Variants in LDLRAD4 observed in about 807,000 individuals in gnomAD.
LDLRAD4 encodes the protein low density lipoprotein receptor class A domain containing 4, also known as low-density lipoprotein receptor class A domain-containing protein 4.
LDLRAD4 carries 5 observed loss-of-function variants against 17.0 expected under a neutral mutation model. The observed-to-expected ratio is 0.29, with a 90% confidence interval of 0.15 to 0.62. LDLRAD4 has a LOEUF of 0.62. LDLRAD4 is among the 20% of genes least tolerant of loss of function. The pLI is 0.84. For synonymous variants in LDLRAD4, 168 were observed against 171.8 expected, an observed-to-expected ratio of 0.98 and a Z score of 0.17; for missense variants, 340 against 424.7, an observed-to-expected ratio of 0.80 and a Z score of 1.75.
At chr18:13,281,683 C>T (rs1370628313) in intron 1 of LDLRAD4, among the ~76,000 whole-genome samples, 1 of 152,120 alleles carries the variant, frequency 6.6e-6, no homozygotes, top group African/African-American at 2.4e-5. Context: ...TTTGGGGGTT[C>T]TATTCAGGGG....
intron 3 of LDLRAD4, among the ~76,000 whole-genome samples, chr18:13,475,524 T>G (rs1214569202): frequency 6.7e-6 from 1 of 150,140 alleles, no homozygotes; most frequent in East Asian, 2.0e-4. Flanking sequence ...AGTGCTGGGA[T>G]TACCGGCATG....
At chr18:13,450,324 C>CAA in intron 3 of LDLRAD4, among the ~76,000 whole-genome samples, 3 of 64,182 alleles carry the variant, frequency 4.7e-5, no homozygotes, top group Non-Finnish European at 1.0e-4. Context: ...TTCTCTCCCC[C>CAA]CACCCCCCCC....
intron 3 of LDLRAD4, among the ~76,000 whole-genome samples, chr18:13,474,905 T>C (rs2092899859): frequency 6.6e-6 from 1 of 152,108 alleles, no homozygotes; most frequent in South Asian, 2.1e-4. Context: ...GGATTCCTCA[T>C]GGTTTAGCAT....
intron 3 of LDLRAD4, among the ~76,000 whole-genome samples, chr18:13,505,683 TGGTG>T (rs879452258): frequency 0.64 from 96,720 of 151,514 alleles, 31,544 homozygotes; most frequent in East Asian, 0.74. Context: ...CCGGGCGTGG[TGGTG>T]GGCACCTGTA....
chr18:13,643,627 A>G (rs576108966), intron 5 of LDLRAD4, among the ~76,000 whole-genome samples: 1 of 152,370 alleles, frequency 6.6e-6, no homozygotes, highest in African/African-American at 2.4e-5. Flanking sequence ...AAAGCTCCTT[A>G]TCAAAAACAA....
At chr18:13,571,828 A>G (rs146945740) in intron 3 of LDLRAD4, among the ~76,000 whole-genome samples, 2,564 of 152,006 alleles carry the variant, frequency 0.017, 45 homozygotes, top group East Asian at 0.03. Context: ...AGTAGAGACG[A>G]GGTTTCACCG....
At position 13,435,265 on chromosome 18, in the gene LDLRAD4, C is replaced by T. The variant is rs923948377; in HGVS notation, c.41-2979C>T. Among the ~76,000 whole-genome samples, 70 of 152,160 alleles carry T rather than the reference C, an allele frequency of 4.6e-4. 4 individuals are homozygous for T. The highest frequency in any genetic ancestry group is 5.9e-5 in the Non-Finnish European group (4 of 68,034). On this transcript the variant is annotated intron_variant, in intron 2 of 5. Coordinates refer to ENST00000359446, the Ensembl canonical transcript of LDLRAD4. ...TCTCATTCCAGCTTTAGCATTAATTCTTAGCACTTAATCACATTACAGCAA... is the reference window on the plus strand; with the variant it reads ...TCTCATTCCAGCTTTAGCATTAATTTTTAGCACTTAATCACATTACAGCAA...
At chr18:13,601,652 T>TCA (rs2095163543) in intron 3 of LDLRAD4, among the ~76,000 whole-genome samples, 2 of 87,584 alleles carry the variant, frequency 2.3e-5, no homozygotes, top group Non-Finnish European at 4.8e-5. Context: ...AGACTCTGTC[T>TCA]GAAAAAAAAA....
At chr18:13,480,908 G>T (rs182885868) in intron 3 of LDLRAD4, among the ~76,000 whole-genome samples, 1 of 152,222 alleles carries the variant, frequency 6.6e-6, no homozygotes, top group Non-Finnish European at 1.5e-5. Context: ...GCTGTCAGCC[G>T]TGTCAGCCAG....
chr18:13,317,541 T>A (rs2143082161), intron 1 of LDLRAD4, among the ~76,000 whole-genome samples: 1 of 152,344 alleles, frequency 6.6e-6, no homozygotes, highest in East Asian at 1.9e-4. Context: ...AATTGAACAA[T>A]TAGGATTGGT....
chr18:13,505,700 C>T (rs2093680073), intron 3 of LDLRAD4, among the ~76,000 whole-genome samples: 1 of 152,168 alleles, frequency 6.6e-6, no homozygotes, highest in South Asian at 2.1e-4. Flanking sequence ...CACCTGTAGT[C>T]GCAGCTACTC....
intron 3 of LDLRAD4, among the ~76,000 whole-genome samples, chr18:13,531,985 AC>A (rs1298111326): frequency 1.3e-5 from 2 of 151,756 alleles, no homozygotes; most frequent in Admixed American, 6.6e-5. Context: ...TTTCACACTG[AC>A]CCCCCACCAC....
intron 1 of LDLRAD4, among the ~76,000 whole-genome samples, chr18:13,373,622 G>A (rs2084683337): frequency 6.6e-6 from 1 of 152,198 alleles, no homozygotes; most frequent in African/African-American, 2.4e-5. Flanking sequence ...GCATTTTGAA[G>A]GAGACAGTGT....
intron 3 of LDLRAD4, among the ~76,000 whole-genome samples, chr18:13,591,977 G>A (rs145113120): frequency 2.6e-5 from 4 of 152,274 alleles, no homozygotes; most frequent in East Asian, 1.9e-4. Flanking sequence ...ACAGGGTGTC[G>A]GGTTCCAGCT....
intron 3 of LDLRAD4, among the ~76,000 whole-genome samples, chr18:13,529,777 C>T (rs1009709962): frequency 8.5e-5 from 13 of 152,208 alleles, no homozygotes; most frequent in Non-Finnish European, 1.3e-4. Context: ...TTCTGATGTC[C>T]TTAAACTTGT....
chr18:13,343,474 G>T (rs181670248), intron 1 of LDLRAD4, among the ~76,000 whole-genome samples: 6 of 152,054 alleles, frequency 3.9e-5, no homozygotes, highest in South Asian at 4.2e-4. Flanking sequence ...TCTTAATCCA[G>T]TCTATTGTTG....
intron 1 of LDLRAD4, among the ~76,000 whole-genome samples, chr18:13,317,113 G>A (rs1342100376): frequency 2.6e-5 from 4 of 152,186 alleles, no homozygotes; most frequent in Non-Finnish European, 4.4e-5. Context: ...GGAAGCTGGT[G>A]CACCAATGTC....
intron 3 of LDLRAD4, among the ~76,000 whole-genome samples, chr18:13,524,272 C>T (rs1003881873): frequency 4.6e-5 from 7 of 152,242 alleles, no homozygotes; most frequent in Admixed American, 1.3e-4. Context: ...CACACGTGAT[C>T]AGCACCCTCA....
At chr18:13,382,561 T>C (rs556758025) in intron 1 of LDLRAD4, 2 of 152,360 alleles carry the variant, frequency 1.3e-5, no homozygotes, top group South Asian at 4.1e-4. Context: ...TTAATTTATT[T>C]CCTGGTTAGT....
Sources: gnomAD v4.1 joint callset for allele counts (sites outside exome capture counted in the v4.1 genomes callset) on GRCh38, gnomAD v4.1.1 for gene constraint, MANE v1.5 for transcripts, NCBI Gene and HGNC (gene_info 2026-07-23, HGNC 2026-07-21) for gene names.